CPNE8: variants seen among roughly 807,000 people sequenced by gnomAD.
CPNE8 encodes the protein copine-8.
In CPNE8, 45 loss-of-function variants were observed where a neutral mutation model predicts 81.5. That is an observed-to-expected ratio of 0.55 (90% CI 0.44 to 0.71). CPNE8 has a LOEUF of 0.71. Ranked by LOEUF, CPNE8 falls within the 30% of genes least tolerant of loss-of-function variation. The probability of loss-of-function intolerance (pLI) is 0.00; values close to 1 mark genes in which losing one functional copy is unlikely to be tolerated. For missense variants in CPNE8, 594 were observed against 672.1 expected (o/e 0.88, Z 1.28); for synonymous variants, 252 against 226.3 (o/e 1.11, Z -1.02).
At chr12:38,821,062 A>G (rs1163683354) in intron 6 of CPNE8, among the ~76,000 whole-genome samples, 1 of 152,170 alleles carries the variant, frequency 6.6e-6, no homozygotes, top group East Asian at 1.9e-4. Flanking sequence ...ACCATCCTCT[A>G]CACAGAAGTC....
At chr12:38,878,929 T>G (rs1258123791) in intron 1 of CPNE8, among the ~76,000 whole-genome samples, 1 of 152,092 alleles carries the variant, frequency 6.6e-6, no homozygotes, top group East Asian at 1.9e-4. Flanking sequence ...AAATCACAGT[T>G]TATTATAGGG....
At chr12:38,745,236 T>C (rs1409052391) in intron 10 of CPNE8, among the ~76,000 whole-genome samples, 1 of 152,230 alleles carries the variant, frequency 6.6e-6, no homozygotes, top group East Asian at 1.9e-4. Flanking sequence ...CATCCTTTTT[T>C]GATTCCTACA....
intron 10 of CPNE8, among the ~76,000 whole-genome samples, chr12:38,746,446 A>G (rs1000219999): frequency 4.6e-5 from 7 of 152,222 alleles, no homozygotes; most frequent in Non-Finnish European, 1.0e-4. Context: ...TACAAATTGT[A>G]AGATAGTTAG....
chr12:38,685,623 G>T lies in CPNE8; in HGVS notation c.1144-6C>A. 1 of 1,606,376 alleles carries T rather than the reference G, an allele frequency of 6.2e-7. No homozygotes were observed. The highest frequency in any genetic ancestry group is 1.1e-5 in the South Asian group (1 of 89,150). On this transcript the variant is annotated splice_polypyrimidine_tract_variant and splice_region_variant and intron_variant, in intron 15 of 19. Coordinates refer to ENST00000331366, the MANE Select transcript of CPNE8 (RefSeq NM_153634.3). ...GGGTTTTGAGGATTCCCATTCTGTA[G>T]AAATTTATAGGCAAAACAAAACAAA... is the stretch of plus-strand genomic sequence containing the variant.
At chr12:38,705,778 AC>A (rs1426899257) in intron 13 of CPNE8, among the ~76,000 whole-genome samples, 1 of 152,082 alleles carries the variant, frequency 6.6e-6, no homozygotes, top group African/African-American at 2.4e-5. Flanking sequence ...AGTCCCAGCA[AC>A]CCAGTTGGTG....
chr12:38,732,677 C>T (rs899052122), intron 10 of CPNE8, among the ~76,000 whole-genome samples: 4 of 151,946 alleles, frequency 2.6e-5, no homozygotes, highest in African/African-American at 9.7e-5. Flanking sequence ...TCATGACATA[C>T]TGTCCTCTGC....
intron 16 of CPNE8, among the ~76,000 whole-genome samples, chr12:38,684,956 A>T (rs1311718046): frequency 6.6e-6 from 1 of 152,188 alleles, no homozygotes; most frequent in East Asian, 1.9e-4. Flanking sequence ...TGGAGTAATA[A>T]GCAATTATAT....
chr12:38,866,259 AC>A (rs1943912102), intron 3 of CPNE8, among the ~76,000 whole-genome samples: 1 of 152,256 alleles, frequency 6.6e-6, no homozygotes, highest in African/African-American at 2.4e-5. Flanking sequence ...AAGTCTTTAT[AC>A]ATATTGTGAG....
At chr12:38,660,042 A>G (rs1264081094) in intron 19 of CPNE8, among the ~76,000 whole-genome samples, 1 of 152,246 alleles carries the variant, frequency 6.6e-6, no homozygotes, top group African/African-American at 2.4e-5. Flanking sequence ...ATACTGCCCA[A>G]GGCAATTTAT....
At chr12:38,853,438 C>T (rs1017560000) in intron 3 of CPNE8, among the ~76,000 whole-genome samples, 3 of 151,828 alleles carry the variant, frequency 2.0e-5, no homozygotes, top group South Asian at 2.1e-4. Flanking sequence ...TTACAATAAC[C>T]TCTGGCACAA....
chr12:38,729,992 T>C (rs1940794078), intron 11 of CPNE8, among the ~76,000 whole-genome samples: 1 of 151,590 alleles, frequency 6.6e-6, no homozygotes, highest in Non-Finnish European at 1.5e-5. Context: ...GAAGAGGAGG[T>C]TGGTAAAAAG....
At chr12:38,657,541 G>T (rs561910961) in intron 19 of CPNE8, among the ~76,000 whole-genome samples, 2 of 152,188 alleles carry the variant, frequency 1.3e-5, no homozygotes, top group Non-Finnish European at 2.9e-5. Flanking sequence ...CCAGCACGGC[G>T]TTTGAGCTCT....
intron 13 of CPNE8, among the ~76,000 whole-genome samples, chr12:38,716,465 C>T (rs1386878722): frequency 6.6e-6 from 1 of 151,936 alleles, no homozygotes; most frequent in African/African-American, 2.4e-5. Flanking sequence ...GATCAAGGAA[C>T]AGAACAGAGA....
chr12:38,736,356 C>T (rs1033451401), intron 10 of CPNE8, among the ~76,000 whole-genome samples: 5 of 151,366 alleles, frequency 3.3e-5, no homozygotes, highest in Admixed American at 6.6e-5. Flanking sequence ...CAAAGATACA[C>T]GAAGACTAGA....
In CPNE8 at chr12:38,866,736, T is replaced by C. The variant is rs184047053; in HGVS notation, c.186+6268A>G. On this transcript the variant is annotated intron_variant, in intron 3 of 19. Coordinates refer to ENST00000331366, the MANE Select transcript of CPNE8 (RefSeq NM_153634.3). ...ATTTAATATAAAAATGTGGCCTACA[T>C]AGCAAATTATCTATAGGGATTCTTC... Among the ~76,000 whole-genome samples the C allele has an allele frequency of 1.4e-3, 215 of 152,272 alleles. 1 individual carries two copies. The highest frequency in any genetic ancestry group is 4.9e-3 in the African/African-American group (203 of 41,552).
intron 5 of CPNE8, among the ~76,000 whole-genome samples, chr12:38,834,369 C>A (rs368651934): frequency 1.3e-5 from 2 of 152,096 alleles, no homozygotes; most frequent in African/African-American, 4.8e-5. Context: ...TCCTCACCCC[C>A]CTGCCTCAAT....
At chr12:38,675,667 A>C in intron 18 of CPNE8, 50 bp downstream of exon 18, 2 of 1,154,036 alleles carry the variant, frequency 1.7e-6, no homozygotes, top group South Asian at 2.5e-5. Context: ...AGCATGTTAC[A>C]TTAGATTAAA....
chr12:38,852,903 T>C (rs1943668940), intron 3 of CPNE8, among the ~76,000 whole-genome samples: 1 of 152,148 alleles, frequency 6.6e-6, no homozygotes, highest in Non-Finnish European at 1.5e-5. Context: ...ATGTAATGAT[T>C]ATCATCTAAT....
chr12:38,705,194 A>G (rs1216372348), intron 13 of CPNE8, among the ~76,000 whole-genome samples: 1 of 152,086 alleles, frequency 6.6e-6, no homozygotes, highest in South Asian at 2.1e-4. Flanking sequence ...ACACAGCACA[A>G]TTGATTTAAC....
Sources: gnomAD v4.1 joint callset for allele counts (sites outside exome capture counted in the v4.1 genomes callset) on GRCh38, gnomAD v4.1.1 for gene constraint, MANE v1.5 for transcripts, NCBI Gene and HGNC (gene_info 2026-07-23, HGNC 2026-07-21) for gene names.